Variants in RBMS1 observed in about 807,000 individuals in gnomAD.
The protein encoded by RBMS1 is RNA binding motif single stranded interacting protein 1.
A neutral mutation model predicts 62.3 loss-of-function variants in RBMS1; 17 were observed. That is an observed-to-expected ratio of 0.27 (90% CI 0.19 to 0.41). The LOEUF is 0.41. Ranked by LOEUF, RBMS1 falls within the 10% of genes least tolerant of loss-of-function variation. RBMS1 has a pLI of 1.00. For synonymous variants in RBMS1, 172 were observed against 170.0 expected, an observed-to-expected ratio of 1.01 and a Z score of -0.09; for missense variants, 334 against 504.5, an observed-to-expected ratio of 0.66 and a Z score of 3.24.
chr2:160,363,587 G>A (rs1693245698), intron 2 of RBMS1, among the ~76,000 whole-genome samples: 1 of 151,974 alleles, frequency 6.6e-6, no homozygotes. Flanking sequence ...TGGAGAAGAA[G>A]GAAGAAGGGC....
In RBMS1 at chr2:160,303,471, G is replaced by A; in HGVS notation, c.419C>T (p.Pro140Leu). 1 of 1,610,050 alleles carries A rather than the reference G, an allele frequency of 6.2e-7. No homozygotes were observed. The highest frequency in any genetic ancestry group is 8.5e-7 in the Non-Finnish European group (1 of 1,178,526). The change falls in exon 5 of 14, where the codon CCT (proline) becomes CTT (leucine). Residue 140 changes from proline to leucine, a missense_variant. By Grantham distance (98) the Pro-to-Leu change is moderately conservative (BLOSUM62 -3). This residue lies in a region of RBMS1 where 150 missense variants were observed against 228.0 expected (regional missense o/e 0.66). Transcript: ENST00000348849. ...AQMAKQQEQD[P>L]TNLYISNLPL... ...CAAATTAGAAATGTAGAGGTTGGTA[G>A]GATCTTGTTCCTGTTGCTAAAACAG...
intron 1 of RBMS1, among the ~76,000 whole-genome samples, chr2:160,440,409 A>C (rs572679080): frequency 1.8e-4 from 28 of 152,226 alleles, no homozygotes; most frequent in African/African-American, 5.8e-4. Flanking sequence ...CACCTTCAGC[A>C]TACACTTACC....
Position 160,424,370 on chromosome 2 carries a change from G to GC in RBMS1, c.76-56980_76-56979insG, listed in dbSNP as rs1032068334. Among the ~76,000 whole-genome samples, 42 of 148,766 alleles carry GC rather than the reference G, an allele frequency of 2.8e-4. 3 individuals carry two copies. In the South Asian group the frequency reaches 6.6e-3, roughly 23 times the overall value. Reference sequence around the variant, plus strand: ...TTAAGCCAGAGGTGAGAGATTGGGGGGGGGGGGAAACAAAAAGAAAGATGT... The same window carrying GC: ...TTAAGCCAGAGGTGAGAGATTGGGGGCGGGGGGGAAACAAAAAGAAAGATGT... On this transcript the variant is annotated intron_variant, in intron 1 of 13. Transcript: ENST00000348849.
At chr2:160,364,587 T>C (rs2106021612) in intron 2 of RBMS1, among the ~76,000 whole-genome samples, 1 of 152,280 alleles carries the variant, frequency 6.6e-6, no homozygotes, top group East Asian at 1.9e-4. Flanking sequence ...TTCCCTGTCA[T>C]CTCAATATCA....
chr2:160,349,824 C>A (rs372051753), intron 2 of RBMS1, among the ~76,000 whole-genome samples: 5 of 18,924 alleles, frequency 2.6e-4, no homozygotes, highest in African/African-American at 1.1e-3. Flanking sequence ...ACAAGCAAAG[C>A]GGGGTGGGGG....
intron 1 of RBMS1, among the ~76,000 whole-genome samples, chr2:160,413,964 A>G (rs1463017638): frequency 6.6e-6 from 1 of 152,216 alleles, no homozygotes; most frequent in African/African-American, 2.4e-5. Flanking sequence ...ACTATTAGCT[A>G]TGGATCAAGT....
At chr2:160,323,489 ACT>A (rs768446286) in intron 2 of RBMS1, among the ~76,000 whole-genome samples, 13 of 151,508 alleles carry the variant, frequency 8.6e-5, no homozygotes, top group Non-Finnish European at 1.8e-4. Flanking sequence ...AAAAAAAATC[ACT>A]GTTACGGAAT....
intron 1 of RBMS1, among the ~76,000 whole-genome samples, chr2:160,397,906 T>G (rs1252593830): frequency 1.3e-5 from 2 of 152,222 alleles, no homozygotes; most frequent in Non-Finnish European, 2.9e-5. Context: ...TTCCTCCTAC[T>G]TTGCCTAAGG....
intron 1 of RBMS1, among the ~76,000 whole-genome samples, chr2:160,467,648 T>C (rs1684749419): frequency 6.6e-6 from 1 of 152,168 alleles, no homozygotes; most frequent in African/African-American, 2.4e-5. Context: ...CAGCTGGATA[T>C]ATAGCAACAT....
chr2:160,314,661 T>C (rs992015213), intron 3 of RBMS1, among the ~76,000 whole-genome samples: 8 of 152,094 alleles, frequency 5.3e-5, no homozygotes, highest in Admixed American at 3.3e-4. Context: ...GAGAGATGAA[T>C]GTTAAAGCTG....
chr2:160,473,189 G>C (rs1182987827), intron 1 of RBMS1, among the ~76,000 whole-genome samples: 2 of 152,294 alleles, frequency 1.3e-5, no homozygotes, highest in East Asian at 3.9e-4. Flanking sequence ...GCTGGCATTT[G>C]GAAACTCAGC....
chr2:160,399,955 T>G (rs987791520), intron 1 of RBMS1, among the ~76,000 whole-genome samples: 1 of 152,210 alleles, frequency 6.6e-6, no homozygotes, highest in African/African-American at 2.4e-5. Context: ...TTTTGCAAAG[T>G]GATACATCAA....
intron 1 of RBMS1, among the ~76,000 whole-genome samples, chr2:160,448,195 AT>A (rs533396365): frequency 1.3e-5 from 2 of 152,096 alleles, no homozygotes; most frequent in Non-Finnish European, 2.9e-5. Context: ...TAGTCTAATA[AT>A]TTTTTTAGAA....
chr2:160,488,949 T>C (rs1685712735), intron 1 of RBMS1, among the ~76,000 whole-genome samples: 2 of 152,218 alleles, frequency 1.3e-5, no homozygotes, highest in Admixed American at 6.5e-5. Context: ...TTTTCTTGAA[T>C]GTATATTACA....
intron 1 of RBMS1, among the ~76,000 whole-genome samples, chr2:160,406,591 T>G (rs939521683): frequency 6.6e-6 from 1 of 152,256 alleles, no homozygotes; most frequent in African/African-American, 2.4e-5. Flanking sequence ...CTAAATCAAT[T>G]TAACCTTTTC....
intron 1 of RBMS1, among the ~76,000 whole-genome samples, chr2:160,390,694 A>AG: frequency 6.6e-6 from 1 of 151,194 alleles, no homozygotes; most frequent in African/African-American, 2.4e-5. Context: ...GTCTCAAAAA[A>AG]AAAAAAAAAA....
intron 6 of RBMS1, among the ~76,000 whole-genome samples, chr2:160,295,914 T>C (rs796652466): frequency 6.6e-5 from 10 of 152,356 alleles, no homozygotes; most frequent in African/African-American, 2.4e-4. Context: ...ACTTTCCTTG[T>C]TGCACACAAG....
At chr2:160,435,313 G>A (rs767440027) in intron 1 of RBMS1, among the ~76,000 whole-genome samples, 2 of 151,816 alleles carry the variant, frequency 1.3e-5, no homozygotes, top group Non-Finnish European at 2.9e-5. Flanking sequence ...CCTTATGTGT[G>A]GTCCCGAATA....
intron 1 of RBMS1, among the ~76,000 whole-genome samples, chr2:160,378,575 G>C (rs1273465517): frequency 6.6e-6 from 1 of 151,262 alleles, no homozygotes; most frequent in Non-Finnish European, 1.5e-5. Flanking sequence ...TCATGCCACT[G>C]CTCTGCTCTT....
Sources: allele counts gnomAD v4.1 joint callset (sites outside exome capture counted in the v4.1 genomes callset), GRCh38; gene constraint gnomAD v4.1.1; regional missense constraint gnomAD v4.1.1; transcripts MANE v1.5; gene names NCBI Gene and HGNC (gene_info 2026-07-23, HGNC 2026-07-21).